The following LIPI variants were observed in gnomAD, a reference collection of about 807,000 sequenced individuals.
LIPI encodes the protein lipase member I.
A neutral mutation model predicts 50.6 loss-of-function variants in LIPI; 59 were observed. That is an observed-to-expected ratio of 1.16 (90% CI 0.94 to 1.45). LIPI has a LOEUF of 1.45. LIPI is among the 40% of genes most tolerant of loss of function. LIPI has a pLI of 0.00. For synonymous variants in LIPI, 203 were observed against 178.2 expected (o/e 1.14, Z -1.11); for missense variants, 586 against 536.3 (o/e 1.09, Z -0.92).
intron 4 of LIPI, among the ~76,000 whole-genome samples, 153 bp from the exon 5 acceptor site, chr21:14,166,604 T>C (rs1382629616): frequency 6.6e-6 from 1 of 152,266 alleles, no homozygotes; most frequent in Non-Finnish European, 1.5e-5. Flanking sequence ...GTTTTTCTTC[T>C]ATAATTCCTT....
chr21:14,155,717 A>G (rs1243340891), intron 7 of LIPI, among the ~76,000 whole-genome samples: 2 of 152,006 alleles, frequency 1.3e-5, no homozygotes, highest in Admixed American at 6.6e-5. Flanking sequence ...TCTTACATCC[A>G]ACAAAACTGT....
chr21:14,141,977 C>T (rs2017726549), intron 9 of LIPI, among the ~76,000 whole-genome samples: 1 of 152,132 alleles, frequency 6.6e-6, no homozygotes, highest in Admixed American at 6.6e-5. Flanking sequence ...ACTACAACTT[C>T]TAGACATCTC....
intron 2 of LIPI, 127 bp from the exon 3 acceptor site, chr21:14,186,196 A>G (rs1400990044): frequency 4.5e-6 from 3 of 665,258 alleles, no homozygotes; most frequent in East Asian, 5.2e-5. Context: ...GGATATCGGG[A>G]AAGAGACTTT....
chr21:14,191,336 C>G (rs398181), intron 1 of LIPI, among the ~76,000 whole-genome samples: 24,976 of 142,360 alleles, frequency 0.18, 2,612 homozygotes, highest in East Asian at 0.28. Context: ...GAGATCCCGC[C>G]ACTGCACTCC....
intron 1 of LIPI, among the ~76,000 whole-genome samples, 177 bp from the exon 2 acceptor site, chr21:14,189,596 T>C (rs1457207446): frequency 6.6e-6 from 1 of 152,116 alleles, no homozygotes; most frequent in Non-Finnish European, 1.5e-5. Flanking sequence ...TGTAAAAAGA[T>C]TTTCTGAACC....
chr21:14,206,712 G>T (rs528144553), intron 1 of LIPI: 3 of 724,092 alleles, frequency 4.1e-6, no homozygotes, highest in South Asian at 3.0e-5. Context: ...CATGATAATA[G>T]TTTATATTCA....
At chr21:14,154,862 T>C in intron 7 of LIPI, among the ~76,000 whole-genome samples, 1 of 151,974 alleles carries the variant, frequency 6.6e-6, no homozygotes, top group Non-Finnish European at 1.5e-5. Flanking sequence ...TTTAAATAGA[T>C]CTCAGATTTT....
At chr21:14,159,591 ATC>A (rs1295700431) in intron 7 of LIPI, among the ~76,000 whole-genome samples, 2 of 151,308 alleles carry the variant, frequency 1.3e-5, no homozygotes, top group African/African-American at 2.4e-5. Flanking sequence ...AGGCAAAGGT[ATC>A]TGTGCTTACC....
At chr21:14,173,679 A>C (rs394453) in intron 4 of LIPI, among the ~76,000 whole-genome samples, 20,986 of 152,252 alleles carry the variant, frequency 0.14, 1,908 homozygotes, top group Non-Finnish European at 0.2. Context: ...AAGGGTTTAG[A>C]TGCTGCAACC....
chr21:14,162,301 G>A (rs1383645627), intron 7 of LIPI, among the ~76,000 whole-genome samples: 1 of 151,446 alleles, frequency 6.6e-6, no homozygotes, highest in Non-Finnish European at 1.5e-5. Context: ...ATGTGTGAAT[G>A]GATACCGGGG....
chr21:14,147,503 T>C (rs564240180), intron 8 of LIPI, among the ~76,000 whole-genome samples: 2 of 152,316 alleles, frequency 1.3e-5, no homozygotes, highest in African/African-American at 4.8e-5. Flanking sequence ...AGTAGAATGA[T>C]GGACATCGTT....
chr21:14,199,798 A>G (rs1192386472), intron 1 of LIPI, among the ~76,000 whole-genome samples: 1 of 151,940 alleles, frequency 6.6e-6, no homozygotes, highest in Non-Finnish European at 1.5e-5. Flanking sequence ...ATTTAACAAC[A>G]CCACAAAAAA....
At position 14,199,284 on chromosome 21, in the gene LIPI, T is replaced by C. The variant is rs560826088; in HGVS notation, c.47-9865A>G. On this transcript the variant is annotated intron_variant, in intron 1 of 9. Coordinates refer to ENST00000681601, the MANE Select transcript of LIPI (RefSeq NM_001302998.2). The stretch of plus-strand genomic sequence containing the variant: ...CGGAGACTGAGAAATGAAAAACTAT[T>C]CAAGAGATCAATGAATCTAGGAGGT... Among the ~76,000 whole-genome samples the C allele has an allele frequency of 2.1e-4, 32 of 151,252 alleles. 1 individual carries two copies. The South Asian group carries it at 6.7e-3, about 32-fold the overall frequency.
chr21:14,108,832 T>C lies in LIPI; in HGVS notation c.*161A>G, dbSNP rs893457660. Reference sequence around the variant, plus strand: ...AATATATTTGGAATGTTTAACTGTATGCATTTTTTATTTTCTTTATTTTTG... The same window carrying C: ...AATATATTTGGAATGTTTAACTGTACGCATTTTTTATTTTCTTTATTTTTG... On this transcript the variant is annotated 3_prime_UTR_variant, in exon 10 of 10. Transcript: ENST00000681601. 1.6e-5 allele frequency: 12 copies of C among 746,440 alleles called. No homozygotes were observed. The African/African-American group carries it at 2.1e-4, about 13-fold the overall frequency. The allele number at this position is 746,440 out of a possible 1,614,324, so 46.2% of individuals were successfully genotyped here.
At chr21:14,163,721 AT>A (rs2018576811) in intron 6 of LIPI, among the ~76,000 whole-genome samples, 198 bp from the exon 7 acceptor site, 1 of 152,016 alleles carries the variant, frequency 6.6e-6, no homozygotes, top group Non-Finnish European at 1.5e-5. Flanking sequence ...TAAATTCAGG[AT>A]TCACAAATAA....
intron 1 of LIPI, among the ~76,000 whole-genome samples, chr21:14,199,959 A>G (rs1454854365): frequency 6.6e-6 from 1 of 152,194 alleles, no homozygotes; most frequent in Non-Finnish European, 1.5e-5. Flanking sequence ...TACACAAATC[A>G]ATAAATGTGA....
At chr21:14,110,763 A>T (rs2016373855) in intron 9 of LIPI, among the ~76,000 whole-genome samples, 1 of 151,738 alleles carries the variant, frequency 6.6e-6, no homozygotes, top group Non-Finnish European at 1.5e-5. Flanking sequence ...ATTATACTTA[A>T]CATAATGTCC....
rs140837040 is a variant in LIPI, at chr21:14,112,271, G to A, written c.1296-3191C>T. Among the ~76,000 whole-genome samples the A allele has an allele frequency of 1.7e-3, 261 of 152,198 alleles. 2 individuals are homozygous for A. The highest frequency in any genetic ancestry group is 6.1e-3 in the African/African-American group (252 of 41,560). ...AATATATTTTGAAGTTATTTGGTGTGATGTCTCTAGCTTTGTTCTTTTTGC... is the reference window on the plus strand; with the variant it reads ...AATATATTTTGAAGTTATTTGGTGTAATGTCTCTAGCTTTGTTCTTTTTGC... On this transcript the variant is annotated intron_variant, in intron 9 of 9. Transcript: ENST00000681601.
At position 14,152,629 on chromosome 21, in the gene LIPI, C is replaced by T. The variant is rs148202419; in HGVS notation, c.1062G>A (p.Ser354=). 3.9e-4 allele frequency: 623 copies of T among 1,590,702 alleles called. 3 individuals are homozygous for T. In the African/African-American group the frequency reaches 4.9e-3, roughly 13 times the overall value. The change falls in exon 8 of 10, where the codon TCG becomes TCA. Residue 354 remains serine (S), a synonymous_variant. Transcript: ENST00000681601. ...GCTGATTTAATAATTTAAATGAAAA[C>T]GAGCCATCCATCATAGTTTTATCTG... ...IVPDKTMMDG[S]FSFKLLNQLG... is the part of the protein sequence containing the mutation.
Sources: gnomAD v4.1 joint callset for allele counts (sites outside exome capture counted in the v4.1 genomes callset) on GRCh38, gnomAD v4.1.1 for gene constraint, MANE v1.5 for transcripts, NCBI Gene and HGNC (gene_info 2026-07-23, HGNC 2026-07-21) for gene names.